The following MORN5 variants were observed in gnomAD, a reference collection of about 807,000 sequenced individuals.
MORN5 encodes the protein MORN repeat containing 5, also known as MORN repeat-containing protein 5.
A neutral mutation model predicts 22.1 loss-of-function variants in MORN5; 21 were observed. The observed-to-expected ratio is 0.95, with a 90% CI of 0.67 to 1.37. The LOEUF (loss-of-function observed/expected upper bound fraction) is 1.37, where lower values mean the gene tolerates loss of function less well. MORN5 is among the 40% of genes most tolerant of loss of function. The pLI is 0.00. For missense variants in MORN5, 211 were observed against 215.1 expected, an observed-to-expected ratio of 0.98 and a Z score of 0.12; for synonymous variants, 73 against 74.0, an observed-to-expected ratio of 0.99 and a Z score of 0.07.
At chr9:122,169,830 G>A (rs570017149) in intron 3 of MORN5, 74 bp downstream of exon 3, 11 of 1,021,336 alleles carry the variant, frequency 1.1e-5, no homozygotes, top group South Asian at 6.3e-5. Context: ...TAAGTGGACT[G>A]TGTCCTACTA....
rs575905448 is a variant in MORN5, at chr9:122,185,367, C to T, written c.439+10740C>T. On this transcript the variant is annotated intron_variant, in intron 4 of 4. Coordinates refer to ENST00000373764, the MANE Select transcript of MORN5 (RefSeq NM_198469.4). ...CCTCCCGAGTAGCTGGGACTACAGGCGCCCACCACCATGCCTGGCTAATTT... is the reference window on the plus strand; with the variant it reads ...CCTCCCGAGTAGCTGGGACTACAGGTGCCCACCACCATGCCTGGCTAATTT... 1.6e-4 allele frequency among the ~76,000 whole-genome samples: 24 copies of T among 148,482 alleles called. No individual in the cohort carries two copies. In the South Asian group the frequency reaches 1.9e-3, roughly 12 times the overall value.
intron 4 of MORN5, among the ~76,000 whole-genome samples, chr9:122,195,854 T>A (rs1002731834): frequency 6.6e-5 from 10 of 152,184 alleles, no homozygotes; most frequent in Non-Finnish European, 2.9e-5. Flanking sequence ...CCTGCACGGA[T>A]TTGTCTATTC....
At chr9:122,168,682 A>G (rs1257265257) in intron 2 of MORN5, among the ~76,000 whole-genome samples, 1 of 152,200 alleles carries the variant, frequency 6.6e-6, no homozygotes, top group East Asian at 1.9e-4. Context: ...ATGTGTTTGG[A>G]CAAAGGGCCG....
chr9:122,165,435 C>T (rs146939945), intron 1 of MORN5, among the ~76,000 whole-genome samples: 3 of 148,668 alleles, frequency 2.0e-5, no homozygotes, highest in Non-Finnish European at 3.0e-5. Flanking sequence ...ATAAGCCAGG[C>T]GTGGTGGGGC....
intron 1 of MORN5, among the ~76,000 whole-genome samples, chr9:122,165,200 G>A (rs1046457548): frequency 6.6e-6 from 1 of 152,050 alleles, no homozygotes; most frequent in Non-Finnish European, 1.5e-5. Flanking sequence ...CTATATATAT[G>A]TCAGGCCCTT....
chr9:122,186,861 A>G (rs1258534687), intron 4 of MORN5, among the ~76,000 whole-genome samples: 5 of 152,162 alleles, frequency 3.3e-5, no homozygotes, highest in African/African-American at 1.2e-4. Context: ...TCTCAGCCCA[A>G]GCTCTGGAAC....
At chr9:122,162,474 A>T (rs1393056613) in intron 1 of MORN5, among the ~76,000 whole-genome samples, 1 of 152,202 alleles carries the variant, frequency 6.6e-6, no homozygotes, top group Admixed American at 6.6e-5. Context: ...ACTTATAGGT[A>T]TTTACCCCAG....
At chr9:122,188,977 T>G (rs569645586) in intron 4 of MORN5, among the ~76,000 whole-genome samples, 122 of 152,174 alleles carry the variant, frequency 8.0e-4, no homozygotes, top group Non-Finnish European at 1.3e-3. Flanking sequence ...GGTGGGTCAC[T>G]TGAGGTCAGG....
At chr9:122,177,934 C>G (rs1167793962) in intron 4 of MORN5, among the ~76,000 whole-genome samples, 4 of 152,238 alleles carry the variant, frequency 2.6e-5, no homozygotes, top group Non-Finnish European at 5.9e-5. Flanking sequence ...AGACACTGCA[C>G]CCATCTTTTG....
chr9:122,167,150 C>T lies in MORN5; in HGVS notation c.195+235C>T, dbSNP rs538212275. 3.3e-5 allele frequency among the ~76,000 whole-genome samples: 5 copies of T among 150,438 alleles called. No homozygotes were observed. The East Asian group carries it at 7.8e-4, about 24-fold the overall frequency. The stretch of plus-strand genomic sequence containing the variant: ...GCAACCTCCGCCTCCTGGGTTCAAG[C>T]GAGTCTCCTGCCTCAGCCTCCCGAG... On this transcript the variant is annotated intron_variant, in intron 2 of 4. Transcript: ENST00000373764.
At chr9:122,178,170 G>C (rs1220413854) in intron 4 of MORN5, among the ~76,000 whole-genome samples, 1 of 152,102 alleles carries the variant, frequency 6.6e-6, no homozygotes, top group Non-Finnish European at 1.5e-5. Flanking sequence ...GGGCAACCTG[G>C]GCAACACAGC....
intron 4 of MORN5, among the ~76,000 whole-genome samples, chr9:122,196,637 A>G (rs1341847897): frequency 6.6e-6 from 1 of 152,218 alleles, no homozygotes; most frequent in East Asian, 1.9e-4. Flanking sequence ...GGCAAAAGCC[A>G]ATAATTATTT....
chr9:122,160,138 T>C, intron 1 of MORN5, 119 bp downstream of exon 1: 1 of 833,838 alleles, frequency 1.2e-6, no homozygotes. Context: ...CCCGAGTAAT[T>C]TTTTCAAGGA....
intron 2 of MORN5, 62 bp from the exon 3 acceptor site, chr9:122,169,583 G>T: frequency 8.8e-7 from 1 of 1,130,090 alleles, no homozygotes; most frequent in South Asian, 1.2e-5. Flanking sequence ...CTTGACATCT[G>T]AACCTCTTGG....
At chr9:122,198,089 G>C (rs1266034234) in intron 4 of MORN5, among the ~76,000 whole-genome samples, 1 of 152,174 alleles carries the variant, frequency 6.6e-6, no homozygotes. Flanking sequence ...GCAGAGCCTG[G>C]TGAACCTTGG....
At chr9:122,172,309 C>G (rs1829378217) in intron 3 of MORN5, among the ~76,000 whole-genome samples, 1 of 151,402 alleles carries the variant, frequency 6.6e-6, no homozygotes, top group South Asian at 2.1e-4. Flanking sequence ...CCCGCCCCGC[C>G]CCTTGAGTGC....
chr9:122,198,949 T>C (rs1829953451), intron 4 of MORN5, among the ~76,000 whole-genome samples: 1 of 152,190 alleles, frequency 6.6e-6, no homozygotes, highest in South Asian at 2.1e-4. Flanking sequence ...GCACATATTT[T>C]ACAGAGCAAC....
chr9:122,165,341 T>C (rs2118739048), intron 1 of MORN5, among the ~76,000 whole-genome samples: 1 of 145,812 alleles, frequency 6.9e-6, no homozygotes, highest in Admixed American at 6.9e-5. Flanking sequence ...GGAGGATCAT[T>C]TGAGCCCAGA....
At chr9:122,172,667 C>T (rs1000638754) in intron 3 of MORN5, among the ~76,000 whole-genome samples, 25 of 152,256 alleles carry the variant, frequency 1.6e-4, no homozygotes, top group East Asian at 7.7e-4. Context: ...GGGCTTGGAT[C>T]GTGAGTGTTC....
Sources: allele counts gnomAD v4.1 joint callset (sites outside exome capture counted in the v4.1 genomes callset), GRCh38; gene constraint gnomAD v4.1.1; transcripts MANE v1.5; gene names NCBI Gene and HGNC (gene_info 2026-07-23, HGNC 2026-07-21).